C1orf21: variants seen among roughly 807,000 people sequenced by gnomAD.
C1orf21 encodes the protein chromosome 1 open reading frame 21.
In C1orf21, 3 loss-of-function variants were observed where a neutral mutation model predicts 18.7. That is an observed-to-expected ratio of 0.16 (90% confidence interval 0.07 to 0.42). C1orf21 has a LOEUF of 0.42. C1orf21 is among the 10% of genes least tolerant of loss of function. The pLI is 0.99. For missense variants in C1orf21, 104 were observed against 143.6 expected (o/e 0.72, Z 1.41); for synonymous variants, 41 against 46.4 (o/e 0.88, Z 0.47).
rs112649783 is a variant in C1orf21 at position 184,523,173 on chromosome 1, C to T, written c.189+15491C>T. 2.4e-3 allele frequency among the ~76,000 whole-genome samples: 361 copies of T among 152,082 alleles called. 1 individual carries two copies. The highest frequency in any genetic ancestry group is 8.3e-3 in the African/African-American group (346 of 41,492). ...CTTCTCAATTAGTAAATGTAGATTG[C>T]GCATAATGACTTCGTTGCAAGAGTA... On this transcript the variant is annotated intron_variant, in intron 3 of 5. Coordinates refer to ENST00000235307, the MANE Select transcript of C1orf21 (RefSeq NM_030806.4).
chr1:184,407,115 A>G (rs143364061), intron 1 of C1orf21, among the ~76,000 whole-genome samples: 345 of 152,170 alleles, frequency 2.3e-3, no homozygotes, highest in Middle Eastern at 0.017. Context: ...AGCTGGGACT[A>G]TGGGTGCATA....
chr1:184,534,166 T>G (rs1658511779), intron 3 of C1orf21, among the ~76,000 whole-genome samples: 1 of 152,212 alleles, frequency 6.6e-6, no homozygotes, highest in Non-Finnish European at 1.5e-5. Context: ...TAGAGTGCTT[T>G]TACAGTCACT....
At chr1:184,566,696 A>G in intron 3 of C1orf21, 2 of 380,570 alleles carry the variant, frequency 5.3e-6, no homozygotes, top group Non-Finnish European at 5.3e-6. Context: ...AGTGTCAAAA[A>G]GGACAAAAAA....
intron 4 of C1orf21, among the ~76,000 whole-genome samples, chr1:184,593,857 A>T (rs1659479004): frequency 6.6e-6 from 1 of 152,276 alleles, no homozygotes; most frequent in Non-Finnish European, 1.5e-5. Flanking sequence ...GTCTAATATT[A>T]CAAGAAAAGA....
At chr1:184,500,184 C>T (rs1380099375) in intron 2 of C1orf21, among the ~76,000 whole-genome samples, 2 of 152,176 alleles carry the variant, frequency 1.3e-5, no homozygotes, top group African/African-American at 4.8e-5. Context: ...AGTGCACCTT[C>T]CTAAAAGAGT....
chr1:184,586,571 C>G (rs1434509467), intron 3 of C1orf21, among the ~76,000 whole-genome samples: 4 of 152,134 alleles, frequency 2.6e-5, no homozygotes, highest in African/African-American at 9.7e-5. Context: ...GCGTGAGCCA[C>G]CGCGCCCGGC....
chr1:184,579,204 ATTT>A (rs71101937), intron 3 of C1orf21, among the ~76,000 whole-genome samples: 3,282 of 136,754 alleles, frequency 0.024, 107 homozygotes, highest in African/African-American at 0.076. Context: ...TGCCTGGCTA[ATTT>A]TTTTTTTTTT....
At chr1:184,468,132 A>G (rs1014095703) in intron 1 of C1orf21, among the ~76,000 whole-genome samples, 2 of 152,176 alleles carry the variant, frequency 1.3e-5, no homozygotes, top group African/African-American at 4.8e-5. Context: ...TTTTCAGGAA[A>G]CTTCCTAATC....
chr1:184,440,370 G>A (rs1192625004), intron 1 of C1orf21, among the ~76,000 whole-genome samples: 1 of 152,106 alleles, frequency 6.6e-6, no homozygotes, highest in African/African-American at 2.4e-5. Context: ...AGCCTCCCAA[G>A]TAGCTGGGAC....
At chr1:184,501,926 A>C (rs575134234) in intron 2 of C1orf21, among the ~76,000 whole-genome samples, 3 of 152,252 alleles carry the variant, frequency 2.0e-5, no homozygotes, top group Non-Finnish European at 4.4e-5. Context: ...GAGACACTTC[A>C]CAAATAAAGA....
At chr1:184,400,080 C>T (rs1170230244) in intron 1 of C1orf21, among the ~76,000 whole-genome samples, 1 of 151,704 alleles carries the variant, frequency 6.6e-6, no homozygotes, top group East Asian at 1.9e-4. Context: ...GTTTTAATCC[C>T]TTGCAGTTTA....
chr1:184,433,997 C>A (rs1656815494), intron 1 of C1orf21, among the ~76,000 whole-genome samples: 1 of 152,124 alleles, frequency 6.6e-6, no homozygotes, highest in Non-Finnish European at 1.5e-5. Flanking sequence ...TCACCAAGGG[C>A]AGACAAAGTG....
chr1:184,450,626 A>G (rs893207676), intron 1 of C1orf21, among the ~76,000 whole-genome samples: 2 of 152,208 alleles, frequency 1.3e-5, no homozygotes, highest in African/African-American at 4.8e-5. Context: ...GATAAAGTTT[A>G]TCAAAATAAA....
intron 5 of C1orf21, among the ~76,000 whole-genome samples, chr1:184,610,865 G>A (rs6692494): frequency 0.17 from 26,265 of 150,118 alleles, 2,550 homozygotes; most frequent in East Asian, 0.31. Flanking sequence ...AAAAAAAAAG[G>A]CTTCTAAAAT....
chr1:184,431,454 A>C (rs1306310698), intron 1 of C1orf21, among the ~76,000 whole-genome samples: 3 of 152,208 alleles, frequency 2.0e-5, no homozygotes, highest in African/African-American at 7.2e-5. Context: ...CTTATGCCTT[A>C]TACAAAAATT....
At chr1:184,619,448 T>A in intron 5 of C1orf21, 70 bp from the exon 6 acceptor site, 5 of 1,520,642 alleles carry the variant, frequency 3.3e-6, no homozygotes, top group Non-Finnish European at 4.5e-6. Flanking sequence ...GAAAATTGAT[T>A]ACAAGTAACT....
At chr1:184,561,061 A>G (rs1209967267) in intron 3 of C1orf21, among the ~76,000 whole-genome samples, 2 of 152,232 alleles carry the variant, frequency 1.3e-5, no homozygotes, top group African/African-American at 2.4e-5. Flanking sequence ...AAGTAGAGGT[A>G]TATTTCCAGC....
intron 3 of C1orf21, among the ~76,000 whole-genome samples, chr1:184,562,358 C>G (rs536411145): frequency 6.6e-6 from 1 of 152,226 alleles, no homozygotes; most frequent in Admixed American, 6.5e-5. Flanking sequence ...ATAGCAATAT[C>G]TCTCCCCGTA....
intron 3 of C1orf21, among the ~76,000 whole-genome samples, chr1:184,581,466 T>C (rs1371330952): frequency 1.3e-5 from 2 of 152,094 alleles, no homozygotes; most frequent in African/African-American, 2.4e-5. Context: ...GGTCATTTTT[T>C]ACTATAGCAT....
Sources: gnomAD v4.1 joint callset for allele counts (sites outside exome capture counted in the v4.1 genomes callset) on GRCh38, gnomAD v4.1.1 for gene constraint, MANE v1.5 for transcripts, NCBI Gene and HGNC (gene_info 2026-07-23, HGNC 2026-07-21) for gene names.